The following PANK1 variants were observed in gnomAD, a reference collection of about 807,000 sequenced individuals.
PANK1 encodes the protein pantothenic acid kinase 1.
In PANK1, 18 loss-of-function variants were observed where a neutral mutation model predicts 40.1. The ratio of observed to expected loss-of-function variants is 0.45; its 90% CI spans 0.31 to 0.67. The LOEUF is 0.67. Ranked by LOEUF, PANK1 falls within the 30% of genes least tolerant of loss-of-function variation. The pLI, the probability that PANK1 is intolerant of heterozygous loss-of-function variation, is 0.06. For synonymous variants in PANK1, 242 were observed against 237.7 expected, an observed-to-expected ratio of 1.02 and a Z score of -0.17; for missense variants, 457 against 599.6, an observed-to-expected ratio of 0.76 and a Z score of 2.48.
intron 2 of PANK1, among the ~76,000 whole-genome samples, chr10:89,604,980 T>C (rs924125195): frequency 3.3e-5 from 5 of 151,524 alleles, no homozygotes; most frequent in Non-Finnish European, 5.9e-5. Context: ...CTCGATCTCC[T>C]GACCTTGTGA....
chr10:89,596,937 AT>A (rs1844627346), intron 3 of PANK1, among the ~76,000 whole-genome samples: 2 of 152,330 alleles, frequency 1.3e-5, no homozygotes, highest in Middle Eastern at 3.4e-3. Context: ...GACTTCTATA[AT>A]TCGAGTTGTG....
At chr10:89,604,501 G>C (rs1042646315) in intron 2 of PANK1, among the ~76,000 whole-genome samples, 1 of 152,012 alleles carries the variant, frequency 6.6e-6, no homozygotes, top group Non-Finnish European at 1.5e-5. Context: ...AGACCAGCCT[G>C]GCCAACATGG....
chr10:89,623,847 A>G (rs969890909), intron 1 of PANK1, among the ~76,000 whole-genome samples: 1 of 152,244 alleles, frequency 6.6e-6, no homozygotes, highest in South Asian at 2.1e-4. Flanking sequence ...TAGACGCTTG[A>G]TACCACAAGG....
chr10:89,616,520 G>C (rs1845322526), intron 1 of PANK1, among the ~76,000 whole-genome samples: 1 of 152,206 alleles, frequency 6.6e-6, no homozygotes, highest in Non-Finnish European at 1.5e-5. Flanking sequence ...TGAAGCAGCT[G>C]AGGCAGGAGA....
chr10:89,579,890 C>T (rs564649108), downstream of PANK1: 1 of 152,328 alleles, frequency 6.6e-6, no homozygotes, highest in African/African-American at 2.4e-5. Flanking sequence ...CTCAGTGCTA[C>T]CCAATGCCTC....
intron 1 of PANK1, among the ~76,000 whole-genome samples, chr10:89,638,689 T>G (rs1030265490): frequency 1.3e-5 from 2 of 152,212 alleles, no homozygotes; most frequent in African/African-American, 4.8e-5. Flanking sequence ...TAGACACAAT[T>G]CAACCAAATT....
chr10:89,627,570 C>G (rs1841511912), intron 1 of PANK1, among the ~76,000 whole-genome samples: 1 of 152,184 alleles, frequency 6.6e-6, no homozygotes, highest in South Asian at 2.1e-4. Context: ...CTCTGCTAAA[C>G]AGTCAGGATG....
intron 1 of PANK1, chr10:89,643,784 T>C (rs1331759373): frequency 6.2e-7 from 1 of 1,610,272 alleles, no homozygotes; most frequent in African/African-American, 1.3e-5. Context: ...AAACCAGCTG[T>C]AAACTCGACC....
At chr10:89,620,389 G>A (rs1416407737) in intron 1 of PANK1, among the ~76,000 whole-genome samples, 2 of 152,184 alleles carry the variant, frequency 1.3e-5, no homozygotes, top group Non-Finnish European at 2.9e-5. Flanking sequence ...ATTCCCAGGG[G>A]GAGGTCTCTA....
At chr10:89,630,334 T>C (rs1223054625) in intron 1 of PANK1, among the ~76,000 whole-genome samples, 1 of 152,196 alleles carries the variant, frequency 6.6e-6, no homozygotes, top group African/African-American at 2.4e-5. Context: ...ATTTAGGACA[T>C]ACTATGTGTC....
intron 4 of PANK1, 93 bp from the exon 5 acceptor site, chr10:89,593,413 T>A (rs1389315332): frequency 5.0e-6 from 7 of 1,402,732 alleles, no homozygotes; most frequent in Non-Finnish European, 5.8e-6. Flanking sequence ...TACGAGTAAC[T>A]GTTCAAACTC....
At chr10:89,616,681 G>C (rs1845329726) in intron 1 of PANK1, among the ~76,000 whole-genome samples, 1 of 152,072 alleles carries the variant, frequency 6.6e-6, no homozygotes, top group African/African-American at 2.4e-5. Context: ...CCAGCACTTT[G>C]GGAGGCCCAG....
At chr10:89,620,580 T>C (rs971810494) in intron 1 of PANK1, among the ~76,000 whole-genome samples, 11 of 152,216 alleles carry the variant, frequency 7.2e-5, no homozygotes, top group African/African-American at 2.7e-4. Context: ...CCAATGACAA[T>C]GCATGCCCAG....
intron 2 of PANK1, among the ~76,000 whole-genome samples, chr10:89,605,805 G>T (rs370362771): frequency 6.6e-6 from 1 of 151,906 alleles, no homozygotes. Context: ...CAAAGGAATT[G>T]TAATCTATGG....
At chr10:89,609,982 C>T (rs77371091) in intron 2 of PANK1, among the ~76,000 whole-genome samples, 3,744 of 152,246 alleles carry the variant, frequency 0.025, 65 homozygotes, top group Middle Eastern at 0.078. Context: ...ACAGATAGGG[C>T]ATCCTTGAGG....
downstream of PANK1, chr10:89,579,600 A>G (rs1486297697): frequency 6.6e-6 from 1 of 152,222 alleles, no homozygotes; most frequent in Non-Finnish European, 1.5e-5. Flanking sequence ...TTTCATTTTC[A>G]TTGAGGAGGT....
chr10:89,642,867 G>GT (rs1291284323), intron 1 of PANK1, among the ~76,000 whole-genome samples: 1 of 152,138 alleles, frequency 6.6e-6, no homozygotes, highest in Admixed American at 6.5e-5. Flanking sequence ...AAAATTATAA[G>GT]TAACAATCGT....
At chr10:89,624,544 T>C (rs915061930) in intron 1 of PANK1, among the ~76,000 whole-genome samples, 2 of 152,220 alleles carry the variant, frequency 1.3e-5, no homozygotes, top group African/African-American at 2.4e-5. Flanking sequence ...CACTTTGCAT[T>C]TGCAATGTGA....
intron 1 of PANK1, among the ~76,000 whole-genome samples, chr10:89,613,669 T>C (rs1281788146): frequency 2.0e-5 from 3 of 152,202 alleles, no homozygotes; most frequent in Non-Finnish European, 4.4e-5. Context: ...TTTGCAGACG[T>C]TTACAAAGCA....
Sources: gnomAD v4.1 joint callset for allele counts (sites outside exome capture counted in the v4.1 genomes callset) on GRCh38, gnomAD v4.1.1 for gene constraint, MANE v1.5 for transcripts, NCBI Gene and HGNC (gene_info 2026-07-23, HGNC 2026-07-21) for gene names.